CPLANE1: variants seen among roughly 807,000 people sequenced by gnomAD.
The protein encoded by CPLANE1 is ciliogenesis and planar polarity effector complex subunit 1, also known as ciliogenesis and planar polarity effector 1.
A neutral mutation model predicts 362.5 loss-of-function variants in CPLANE1; 263 were observed. The observed-to-expected ratio is 0.73, with a 90% CI of 0.66 to 0.80. CPLANE1 has a LOEUF of 0.80. CPLANE1 is among the 30% of genes least tolerant of loss of function. The pLI is 0.00. For missense variants in CPLANE1, 3,461 were observed against 3,793.4 expected, an observed-to-expected ratio of 0.91 and a Z score of 2.30; for synonymous variants, 1,212 against 1,302.6, an observed-to-expected ratio of 0.93 and a Z score of 1.50.
chr5:37,137,920 T>G (rs907941517), intron 46 of CPLANE1, among the ~76,000 whole-genome samples: 13 of 132,384 alleles, frequency 9.8e-5, no homozygotes, highest in South Asian at 4.4e-4. Flanking sequence ...ATCAGGGTTG[T>G]TTTTTTTTTT....
intron 44 of CPLANE1, chr5:37,140,612 A>G (rs1217252462): frequency 1.6e-5 from 16 of 985,322 alleles, no homozygotes; most frequent in Non-Finnish European, 1.7e-5. Context: ...CTGCTGGCCT[A>G]TTCACGAAAA....
chr5:37,215,739 C>CTTTTTT (rs567527656), intron 15 of CPLANE1, among the ~76,000 whole-genome samples: 51 of 95,182 alleles, frequency 5.4e-4, no homozygotes, highest in East Asian at 1.3e-3. Context: ...CTTCTCTTTC[C>CTTTTTT]TTTTTTTTTT....
At chr5:37,210,763 G>A (rs1056751636) in intron 16 of CPLANE1, 34 of 1,515,888 alleles carry the variant, frequency 2.2e-5, no homozygotes, top group African/African-American at 5.5e-5. Flanking sequence ...GAAAACTTGC[G>A]TCTCCTAAAC....
At chr5:37,134,338 GT>G (rs1766916175) in intron 46 of CPLANE1, among the ~76,000 whole-genome samples, 1 of 152,076 alleles carries the variant, frequency 6.6e-6, no homozygotes, top group South Asian at 2.1e-4. Context: ...TCTGTTCAGG[GT>G]TTCAAATTTC....
chr5:37,183,664 T>A lies in CPLANE1; in HGVS notation c.4517A>T (p.His1506Leu). 1 of 1,605,082 alleles carries A rather than the reference T, an allele frequency of 6.2e-7. No homozygotes were observed. Among genetic ancestry groups the A allele is most frequent in the Non-Finnish European group, 8.5e-7 (1 of 1,177,286 alleles). ...APNHMELTSI[H>L]KPTDKRKMCN... ...CATTTTCCTTTTATCAGTTGGCTTA[T>A]GAATTGATGTTAATTCCATGTGATT... The change falls in exon 26 of 53, where the codon CAT (histidine) becomes CTT (leucine). Residue 1506 changes from histidine to leucine, a missense_variant. Physicochemically the swap from His to Leu is moderately conservative, Grantham distance 99. Coordinates refer to ENST00000651892, the MANE Select transcript of CPLANE1 (RefSeq NM_001384732.1).
chr5:37,117,727 A>G (rs544330618), intron 50 of CPLANE1, among the ~76,000 whole-genome samples: 2 of 152,316 alleles, frequency 1.3e-5, no homozygotes, highest in Admixed American at 6.5e-5. Context: ...CTGTGTGGGT[A>G]TAAGTGTTGC....
chr5:37,157,601 G>A (rs1775497527), intron 40 of CPLANE1, 69 bp downstream of exon 40: 10 of 1,342,306 alleles, frequency 7.4e-6, no homozygotes, highest in Non-Finnish European at 1.1e-5. Flanking sequence ...AGAGATGTGA[G>A]TAGGGATAAC....
intron 6 of CPLANE1, 46 bp downstream of exon 6, chr5:37,242,967 G>GAA: frequency 7.3e-7 from 1 of 1,360,666 alleles, no homozygotes; most frequent in Non-Finnish European, 1.0e-6. Flanking sequence ...GCCTCCAAAA[G>GAA]AAAAAAAAAT....
chr5:37,183,024 G>T lies in CPLANE1; in HGVS notation c.5157C>A (p.Phe1719Leu). ...TAATATCATTGCACTGAATAGCTTT[G>T]AAAATACATCTTCTAGTTTTAATGG... ...PKSIKTRRCI[F>L]KAIQCNDINP... Residue 1719 changes from phenylalanine (F) to leucine (L), a missense_variant, in exon 26 of 53, where the codon TTC (phenylalanine) becomes TTA (leucine). Transcript: ENST00000651892. The T allele has an allele frequency of 6.2e-7, 1 of 1,613,418 alleles. No homozygotes were observed.
chr5:37,162,588 G>C (rs746716886), intron 37 of CPLANE1, 22 bp from the exon 38 acceptor site: 116 of 1,531,220 alleles, frequency 7.6e-5, no homozygotes, highest in Non-Finnish European at 9.9e-5. Context: ...TAAAACATTG[G>C]AAGTAATCAT....
At chr5:37,142,083 A>G (rs1183764684) in intron 44 of CPLANE1, 8 of 991,076 alleles carry the variant, frequency 8.1e-6, no homozygotes, top group African/African-American at 1.7e-5. Context: ...TTTCATATTA[A>G]TAAGTTACAC....
chr5:37,244,359 C>A lies in CPLANE1; in HGVS notation c.570+16G>T. Reference sequence around the variant, plus strand: ...GCTAATCTGCTTCACAGATAAGAGTCTGAGACTGATTTTACCTCATTTTTT... The same window carrying A: ...GCTAATCTGCTTCACAGATAAGAGTATGAGACTGATTTTACCTCATTTTTT... On this transcript the variant is annotated intron_variant, in intron 5 of 52. Transcript: ENST00000651892. The A allele has an allele frequency of 1.3e-6, 2 of 1,522,890 alleles. No homozygotes were observed. The highest frequency in any genetic ancestry group is 2.4e-5 in the South Asian group (2 of 82,284). 94.3% of individuals were successfully genotyped at this position (1,522,890 alleles called of 1,614,324 possible).
At chr5:37,242,825 A>T (rs1800861694) in intron 6 of CPLANE1, among the ~76,000 whole-genome samples, 188 bp downstream of exon 6, 1 of 151,826 alleles carries the variant, frequency 6.6e-6, no homozygotes, top group Non-Finnish European at 1.5e-5. Context: ...CCAGGAGTGC[A>T]AGAACTTGTC....
rs372873088 is a variant in CPLANE1, at chr5:37,243,062, A to C, written c.628T>G (p.Leu210Val). 1.4e-5 allele frequency: 22 copies of C among 1,548,778 alleles called. No homozygotes were observed. The African/African-American group carries it at 2.2e-4, about 15-fold the overall frequency. Residue 210 changes from leucine (L) to valine (V), a missense_variant, in exon 6 of 53, where the codon TTA becomes GTA. This residue lies in a region of CPLANE1 where 3,380 missense variants were observed against 3,666.1 expected (regional missense o/e 0.92). Transcript: ENST00000651892. ...TGCCACCGAATTGCTAGAAATGTTA[A>C]CTTCAGGCATTCCCCAGAATAAAAA... ...FTFYSGECLK[L>V]TFLAIRWHEN... is the part of the protein sequence containing the mutation.
rs1783057137 is a variant in CPLANE1, at chr5:37,182,871, C to T, written c.5310G>A (p.Glu1770=). 6.2e-7 allele frequency: 1 copy of T among 1,609,844 alleles called. No homozygotes were observed. Among genetic ancestry groups the T allele is most frequent in the African/African-American group, 1.3e-5 (1 of 74,720 alleles). The change falls in exon 26 of 53, where the codon GAG becomes GAA. Residue 1770 remains glutamate (E), a synonymous_variant. Coordinates refer to ENST00000651892, the MANE Select transcript of CPLANE1 (RefSeq NM_001384732.1). The part of the protein sequence containing the change: ...CDSGITESSS[E]YSPVIRVKTS... The stretch of plus-strand genomic sequence containing the variant: ...TCTTTACACGAATTACTGGACTGTA[C>T]TCAGAGGATGACTCAGTTATACCAG...
chr5:37,126,172 G>A (rs996983192), intron 46 of CPLANE1, among the ~76,000 whole-genome samples: 3 of 152,180 alleles, frequency 2.0e-5, no homozygotes, highest in South Asian at 2.1e-4. Context: ...CTGGGAGGTC[G>A]AAGCTGCAGT....
At chr5:37,247,589 T>G in intron 2 of CPLANE1, 29 bp downstream of exon 2, 1 of 1,536,222 alleles carries the variant, frequency 6.5e-7, no homozygotes, top group Non-Finnish European at 8.8e-7. Context: ...TATATAAAAC[T>G]GGTATTGCAT....
chr5:37,138,892 C>T (rs769077074), intron 45 of CPLANE1, 44 bp from the exon 46 acceptor site: 1 of 1,543,988 alleles, frequency 6.5e-7, no homozygotes. Context: ...TCAGTATCTA[C>T]AACTTAATTA....
chr5:37,088,247 G>A, the CPLANE1 span, among the ~76,000 whole-genome samples: 29 of 152,312 alleles, frequency 1.9e-4, no homozygotes, highest in East Asian at 4.4e-3. Flanking sequence ...ATATCTTATC[G>A]TTGCAACTGT....
Sources: allele counts gnomAD v4.1 joint callset (sites outside exome capture counted in the v4.1 genomes callset), GRCh38; gene constraint gnomAD v4.1.1; regional missense constraint gnomAD v4.1.1; transcripts MANE v1.5; gene names NCBI Gene and HGNC (gene_info 2026-07-23, HGNC 2026-07-21).